Variants in SNRNP70 observed in about 807,000 individuals in gnomAD.
SNRNP70 encodes small nuclear ribonucleoprotein U1 subunit 70.
A neutral mutation model predicts 50.5 loss-of-function variants in SNRNP70; 8 were observed. The ratio of observed to expected loss-of-function variants is 0.16; its 90% CI spans 0.09 to 0.29. The LOEUF is 0.29. Ranked by LOEUF, SNRNP70 falls within the 10% of genes least tolerant of loss-of-function variation. The pLI, the probability that SNRNP70 is intolerant of heterozygous loss-of-function variation, is 1.00. For missense variants in SNRNP70, 529 were observed against 663.5 expected, an observed-to-expected ratio of 0.80 and a Z score of 2.23; for synonymous variants, 320 against 252.9, an observed-to-expected ratio of 1.27 and a Z score of -2.52.
At chr19:49,091,006 G>A (rs148190384) in intron 4 of SNRNP70, among the ~76,000 whole-genome samples, 343 of 152,234 alleles carry the variant, frequency 2.3e-3, no homozygotes, top group Non-Finnish European at 3.9e-3. Context: ...AGTGAAAACT[G>A]TACAGTCACA....
intron 4 of SNRNP70, among the ~76,000 whole-genome samples, chr19:49,094,382 G>C (rs975692625): frequency 1.3e-5 from 2 of 151,634 alleles, no homozygotes; most frequent in Admixed American, 6.6e-5. Context: ...GCCTCTAATT[G>C]CAACTACTTG....
At chr19:49,096,246 G>A (rs2040511907) in intron 4 of SNRNP70, among the ~76,000 whole-genome samples, 1 of 151,588 alleles carries the variant, frequency 6.6e-6, no homozygotes, top group Non-Finnish European at 1.5e-5. Context: ...TAGTAGAGAC[G>A]GGGTTTCGCC....
chr19:49,088,784 T>C (rs1314362140), intron 2 of SNRNP70, among the ~76,000 whole-genome samples: 2 of 152,148 alleles, frequency 1.3e-5, no homozygotes, highest in South Asian at 2.1e-4. Flanking sequence ...CATGAGCCAC[T>C]GCACCCTACC....
Position 49,085,631 on chromosome 19 carries a change from T to C in SNRNP70, c.-16T>C, listed in dbSNP as rs1294716215. The stretch of plus-strand genomic sequence containing the variant: ...ACAGACGCCAGAGCGAGGAGGGCGC[T>C]ACGCGGTGAGTGAGTGTGACTGAGT... On this transcript the variant is annotated 5_prime_UTR_variant, in exon 1 of 10. Transcript: ENST00000598441. 2 of 456,036 alleles carry C rather than the reference T, an allele frequency of 4.4e-6. No homozygotes were observed. The highest frequency in any genetic ancestry group is 7.0e-5 in the East Asian group (1 of 14,384). The allele number at this position is 456,036 out of a possible 1,614,324, so 28.2% of individuals were successfully genotyped here.
In SNRNP70 at chr19:49,099,595, T is replaced by G. The variant is rs531487122; in HGVS notation, c.393+891T>G. Among the ~76,000 whole-genome samples the G allele has an allele frequency of 4.0e-5, 6 of 149,036 alleles. No individual in the cohort carries two copies. The South Asian group carries it at 8.4e-4, about 21-fold the overall frequency. On this transcript the variant is annotated intron_variant, in intron 6 of 9. Transcript: ENST00000598441. ...AAAAAAAAAAAATACAAAAATTAGC[T>G]GGGCATGATAGCGGGCGCCCGTAAT... is the stretch of plus-strand genomic sequence containing the variant.
At position 49,104,528 on chromosome 19, in the gene SNRNP70, C is replaced by T. The variant is rs534499093; in HGVS notation, c.476-106C>T. 7 of 838,358 alleles carry T rather than the reference C, an allele frequency of 8.3e-6. No homozygotes were observed. The highest frequency in any genetic ancestry group is 5.1e-5 in the African/African-American group (3 of 59,362). The allele number at this position is 838,358 out of a possible 1,614,324, so 51.9% of individuals were successfully genotyped here. A position where few individuals can be genotyped will look rare whatever the true frequency, so the allele number is the denominator to read the frequency against. Reference sequence around the variant, plus strand: ...GCTGTCTGTTGGGCGTGTGCGTGTGCGTGATGATGGGGACACGGGGCGGGG... The same window carrying T: ...GCTGTCTGTTGGGCGTGTGCGTGTGTGTGATGATGGGGACACGGGGCGGGG... On this transcript the variant is annotated intron_variant, in intron 7 of 9. Coordinates refer to ENST00000598441, the MANE Select transcript of SNRNP70 (RefSeq NM_003089.6). This position sits in a 1 kb window ranked among gnomAD's most constrained non-coding sequence, Gnocchi z 5.4.
Position 49,108,232 on chromosome 19 carries a change from G to C in SNRNP70, c.1103G>C (p.Arg368Pro), listed in dbSNP as rs1401319969. The change falls in exon 10 of 10, where the codon CGG becomes CCG. Residue 368 changes from arginine (R) to proline (P), a missense_variant. Transcript: ENST00000598441. ...HRSERERRRD[R>P]DRDRDRDREH... ...AGCGAGCGCGAGCGGCGCCGGGACC[G>C]GGATCGTGACCGTGACCGTGACCGC... 7.8e-6 allele frequency: 12 copies of C among 1,539,806 alleles called. No homozygotes were observed. Among genetic ancestry groups the C allele is most frequent in the Non-Finnish European group, 9.6e-6 (11 of 1,142,318 alleles).
At position 49,107,809 on chromosome 19, in the gene SNRNP70, C is replaced by T. The variant is rs949614470; in HGVS notation, c.680C>T (p.Pro227Leu). The T allele has an allele frequency of 3.6e-5, 57 of 1,600,806 alleles. No individual in the cohort carries two copies. The highest frequency in any genetic ancestry group is 4.6e-5 in the Non-Finnish European group (54 of 1,174,346). The change falls in exon 10 of 10, where the codon CCG (proline) becomes CTG (leucine). Residue 227 changes from proline to leucine, a missense_variant. Physicochemically the swap from Pro to Leu is moderately conservative, Grantham distance 98. This residue lies in a region of SNRNP70 where 53 missense variants were observed against 78.6 expected (regional missense o/e 0.67). Transcript: ENST00000598441. The surrounding 1 kb of genome is among the most constrained non-coding windows in gnomAD (Gnocchi z 6.0). Reference protein sequence around the residue: ...SRYDERPGPSPLPHRDRDRDR... With the variant: ...SRYDERPGPSLLPHRDRDRDR... The stretch of plus-strand genomic sequence containing the variant: ...ACCTCATCCAGGCCCGGCCCCTCCC[C>T]GCTTCCGCACAGGGACCGGGACCGG...
At chr19:49,093,210 C>T (rs1454519033) in intron 4 of SNRNP70, among the ~76,000 whole-genome samples, 3 of 152,028 alleles carry the variant, frequency 2.0e-5, no homozygotes. Context: ...ATTTCCCTGC[C>T]TCCTGAGTAG....
At chr19:49,096,999 G>A (rs2040521620) in intron 4 of SNRNP70, among the ~76,000 whole-genome samples, 1 of 151,918 alleles carries the variant, frequency 6.6e-6, no homozygotes, top group Admixed American at 6.6e-5. Context: ...ATGTGGTGGT[G>A]CACGCCTGTA....
At position 49,108,503 on chromosome 19, in the gene SNRNP70, A is replaced by G; in HGVS notation, c.*60A>G. 1 of 1,536,872 alleles carries G rather than the reference A, an allele frequency of 6.5e-7. No individual in the cohort carries two copies. ...CGTTCCTGCCCAGCCCCTTGCTGTC[A>G]TCCCCTCCCCCAACCTTGGCCACTT... On this transcript the variant is annotated 3_prime_UTR_variant, in exon 10 of 10. Transcript: ENST00000598441.
In SNRNP70 at chr19:49,107,955, C is replaced by T. The variant is rs889693089; in HGVS notation, c.826C>T (p.Arg276Cys). The part of the protein sequence containing the change: ...SRSRDKEERR[R>C]SRERSKDKDR... Reference sequence around the variant, plus strand: ...GAGTCGCGACAAGGAGGAGCGGAGGCGCTCCAGGGAGCGGAGCAAGGACAA... The same window carrying T: ...GAGTCGCGACAAGGAGGAGCGGAGGTGCTCCAGGGAGCGGAGCAAGGACAA... Residue 276 changes from arginine to cysteine, a missense_variant, in exon 10 of 10, where the codon CGC becomes TGC. Around this residue, in one of 4 missense-constraint regions of SNRNP70, gnomAD observed 327 missense variants for 308.8 expected, o/e 1.06. Coordinates refer to ENST00000598441, the MANE Select transcript of SNRNP70 (RefSeq NM_003089.6). The surrounding 1 kb of genome is among the most constrained non-coding windows in gnomAD (Gnocchi z 6.0). 3 of 1,547,286 alleles carry T rather than the reference C, an allele frequency of 1.9e-6. No individual in the cohort carries two copies. The African/African-American group carries it at 4.1e-5, about 21-fold the overall frequency.
At chr19:49,101,773 A>C (rs987603687) in intron 7 of SNRNP70, 1 of 399,168 alleles carries the variant, frequency 2.5e-6, no homozygotes, top group Non-Finnish European at 4.6e-6. Flanking sequence ...AGGTGGGGGG[A>C]GGGGTCGGAT....
intron 6 of SNRNP70, among the ~76,000 whole-genome samples, chr19:49,101,033 T>G (rs1461267608): frequency 2.6e-5 from 4 of 152,092 alleles, no homozygotes; most frequent in African/African-American, 9.7e-5. Flanking sequence ...CCTGGGACTC[T>G]CTGTCATCAG....
At position 49,108,245 on chromosome 19, in the gene SNRNP70, T is replaced by C. The variant is rs2122421864; in HGVS notation, c.1116T>C (p.Arg372=). 1 of 1,543,330 alleles carries C rather than the reference T, an allele frequency of 6.5e-7. No homozygotes were observed. The highest frequency in any genetic ancestry group is 2.4e-5 in the East Asian group (1 of 41,064). Residue 372 remains arginine, a synonymous_variant, in exon 10 of 10, where the codon CGT becomes CGC. Transcript: ENST00000598441. ...GGCGCCGGGACCGGGATCGTGACCGTGACCGTGACCGCGAGCACAAACGGG... is the reference window on the plus strand; with the variant it reads ...GGCGCCGGGACCGGGATCGTGACCGCGACCGTGACCGCGAGCACAAACGGG... ...RERRRDRDRD[R]DRDREHKRGE... is the part of the protein sequence containing the mutation.
chr19:49,096,609 T>C (rs1600280528), intron 4 of SNRNP70, among the ~76,000 whole-genome samples: 1 of 149,444 alleles, frequency 6.7e-6, no homozygotes, highest in African/African-American at 2.5e-5. Flanking sequence ...CTACTAAAAA[T>C]ACAAAAGATT....
chr19:49,097,936 C>CT (rs2040533357), intron 4 of SNRNP70, among the ~76,000 whole-genome samples: 1 of 152,206 alleles, frequency 6.6e-6, no homozygotes, highest in Non-Finnish European at 1.5e-5. Context: ...CATTCTTAGC[C>CT]TTGGGGCAGC....
At chr19:49,093,286 A>G (rs2040470808) in intron 4 of SNRNP70, among the ~76,000 whole-genome samples, 1 of 151,226 alleles carries the variant, frequency 6.6e-6, no homozygotes, top group Non-Finnish European at 1.5e-5. Flanking sequence ...GGGTTTCTCC[A>G]TGTTGGTCAG....
intron 2 of SNRNP70, among the ~76,000 whole-genome samples, chr19:49,088,083 G>A (rs950207317): frequency 6.6e-6 from 1 of 150,968 alleles, no homozygotes; most frequent in Non-Finnish European, 1.5e-5. Context: ...TAGAGATGGG[G>A]TTTCACCATG....
Sources: gnomAD v4.1 joint callset for allele counts (sites outside exome capture counted in the v4.1 genomes callset) on GRCh38, gnomAD v4.1.1 for gene constraint, gnomAD v4.1.1 regional missense constraint, Gnocchi (gnomAD v3.1) non-coding constraint, MANE v1.5 for transcripts, NCBI Gene and HGNC (gene_info 2026-07-23, HGNC 2026-07-21) for gene names.